Variants in PCDHGA4 observed in about 807,000 individuals in gnomAD.
The protein encoded by PCDHGA4 is protocadherin gamma-A4.
Under a neutral mutation model 54.6 loss-of-function variants are expected in PCDHGA4, and 38 were observed. That is an observed-to-expected ratio of 0.70 (90% CI 0.54 to 0.91). The LOEUF (loss-of-function observed/expected upper bound fraction) is 0.91, where lower values mean the gene tolerates loss of function less well. Among genes scored for constraint, PCDHGA4 ranks in the 40% least tolerant of loss-of-function variants. The pLI is 0.00. For missense variants in PCDHGA4, 1,298 were observed against 1,220.9 expected (o/e 1.06, Z -0.94); for synonymous variants, 511 against 512.9 (o/e 1.00, Z 0.05).
intron 1 of PCDHGA4, among the ~76,000 whole-genome samples, chr5:141,473,858 C>T (rs569473917): frequency 6.6e-6 from 1 of 152,168 alleles, no homozygotes; most frequent in Non-Finnish European, 1.5e-5. Flanking sequence ...ATGAACCTCG[C>T]TATTGTGGAG....
chr5:141,503,372 G>A (rs1275544964), intron 2 of PCDHGA4, among the ~76,000 whole-genome samples: 1 of 151,968 alleles, frequency 6.6e-6, no homozygotes, highest in Non-Finnish European at 1.5e-5. Context: ...GGAGGCAGGT[G>A]GATCATGAGG....
intron 1 of PCDHGA4, among the ~76,000 whole-genome samples, chr5:141,434,245 T>G (rs921135977): frequency 3.3e-5 from 5 of 152,224 alleles, no homozygotes; most frequent in African/African-American, 1.2e-4. Context: ...CTAGATGACT[T>G]GGGCATTGTG....
intron 1 of PCDHGA4, among the ~76,000 whole-genome samples, chr5:141,454,836 C>T (rs1201514890): frequency 1.3e-4 from 11 of 85,100 alleles, no homozygotes; most frequent in African/African-American, 2.1e-4. Context: ...GAGACAGAGT[C>T]GCGCTCTGTC....
intron 1 of PCDHGA4, chr5:141,403,000 A>T: frequency 1.1e-5 from 18 of 1,613,980 alleles, no homozygotes; most frequent in Non-Finnish European, 1.4e-5. Context: ...TAGTCCTGCT[A>T]TGCTCGCTCC....
chr5:141,415,740 G>GTTTTTTTTTTTTTTTTTTTGTTT, intron 1 of PCDHGA4: 1 of 617,992 alleles, frequency 1.6e-6, no homozygotes, highest in Non-Finnish European at 2.1e-6. Flanking sequence ...GTTTATTAAG[G>GTTTTTTTTTTTTTTTTTTTGTTT]TTTTTTTTTT....
chr5:141,419,121 C>T, intron 1 of PCDHGA4: 5 of 1,613,882 alleles, frequency 3.1e-6, no homozygotes, highest in Non-Finnish European at 3.4e-6. Flanking sequence ...TACAACGTCA[C>T]CATCGCAGCC....
intron 1 of PCDHGA4, chr5:141,418,184 G>A: frequency 6.2e-7 from 1 of 1,614,096 alleles, no homozygotes; most frequent in Non-Finnish European, 8.5e-7. Flanking sequence ...ATTGGAAGCT[G>A]TGGTGGAAAA....
chr5:141,371,116 T>C, intron 1 of PCDHGA4: 1 of 1,613,914 alleles, frequency 6.2e-7, no homozygotes, highest in Non-Finnish European at 8.5e-7. Context: ...AACCCCCCAG[T>C]ATTTACTCAG....
chr5:141,395,961 G>C (rs1016569431), intron 1 of PCDHGA4: 1 of 151,956 alleles, frequency 6.6e-6, no homozygotes, highest in Non-Finnish European at 1.5e-5. Flanking sequence ...AAAAACAAAA[G>C]CAAAAACATT....
chr5:141,384,673 G>A (rs1029531424), intron 1 of PCDHGA4: 2 of 1,614,108 alleles, frequency 1.2e-6, no homozygotes, highest in South Asian at 1.1e-5. Context: ...GACCAAGGTG[G>A]TGGCGGTGGA....
chr5:141,355,314 G>A lies in PCDHGA4; in HGVS notation c.207G>A (p.Glu69=). The part of the protein sequence containing the change: ...AEQILYSVFE[E]QEEGSVVGNI... ...AGATTCTCTACTCGGTGTTTGAGGA[G>A]CAGGAAGAAGGCTCAGTGGTGGGCA... The change falls in exon 1 of 4, where the codon GAG becomes GAA. Residue 69 remains glutamate (E), a synonymous_variant. Coordinates refer to ENST00000571252, the MANE Select transcript of PCDHGA4 (RefSeq NM_018917.4). 6.2e-7 allele frequency: 1 copy of A among 1,613,954 alleles called. No homozygotes were observed. Among genetic ancestry groups the A allele is most frequent in the Non-Finnish European group, 8.5e-7 (1 of 1,179,900 alleles).
chr5:141,441,772 TG>T, intron 1 of PCDHGA4: 1 of 388,268 alleles, frequency 2.6e-6, no homozygotes, highest in South Asian at 2.0e-5. Flanking sequence ...CGCGTGTTGG[TG>T]GACGACCTGA....
chr5:141,432,413 G>C lies in PCDHGA4; in HGVS notation c.2515-62394G>C, dbSNP rs369816901. 9 of 1,614,114 alleles carry C rather than the reference G, an allele frequency of 5.6e-6. No homozygotes were observed. The highest frequency in any genetic ancestry group is 1.3e-5 in the African/African-American group (1 of 74,946). ...CAGCAACGTGTCGTTGAGCCTGTTCGTGCTGGACCAGAACGACAATGCGCC... is the reference window on the plus strand; with the variant it reads ...CAGCAACGTGTCGTTGAGCCTGTTCCTGCTGGACCAGAACGACAATGCGCC... On this transcript the variant is annotated intron_variant, in intron 1 of 3. Coordinates refer to ENST00000571252, the MANE Select transcript of PCDHGA4 (RefSeq NM_018917.4). This position sits in a 1 kb window ranked among gnomAD's most constrained non-coding sequence, Gnocchi z 6.0.
Position 141,496,980 on chromosome 5 carries a change from G to A in PCDHGA4, c.2573+2115G>A, listed in dbSNP as rs186715298. On this transcript the variant is annotated intron_variant, in intron 2 of 3. Coordinates refer to ENST00000571252, the MANE Select transcript of PCDHGA4 (RefSeq NM_018917.4). ...GTGGGTAGATCACTTGAGGTCAGGG[G>A]TTTGAGACCAGCCTGGCAGCCAACA... Among the ~76,000 whole-genome samples the A allele has an allele frequency of 1.6e-3, 236 of 152,074 alleles. 2 individuals are homozygous for A. Among genetic ancestry groups the A allele is most frequent in the South Asian group, 7.5e-3 (36 of 4,814 alleles).
chr5:141,357,184 G>A lies in PCDHGA4; in HGVS notation c.2077G>A (p.Val693Met), dbSNP rs766733303. The A allele has an allele frequency of 3.1e-6, 5 of 1,613,780 alleles. No homozygotes were observed. In the South Asian group the frequency reaches 5.5e-5, roughly 18 times the overall value. The part of the protein sequence containing the change: ...PPLSATVTLT[V>M]AVADSIPDVL... ...TCTCTCGGCCACCGTCACACTCACT[G>A]TGGCTGTGGCCGACAGCATCCCAGA... The change falls in exon 1 of 4, where the codon GTG (valine) becomes ATG (methionine). Residue 693 changes from valine (V) to methionine (M), a missense_variant. By Grantham distance (21) the Val-to-Met change is conservative. Coordinates refer to ENST00000571252, the MANE Select transcript of PCDHGA4 (RefSeq NM_018917.4).
chr5:141,370,575 T>C (rs764870172), intron 1 of PCDHGA4: 17 of 1,613,766 alleles, frequency 1.1e-5, no homozygotes, highest in Admixed American at 1.7e-5. Context: ...CGTGGGGGAT[T>C]TACCTACTAG....
chr5:141,431,464 G>A lies in PCDHGA4; in HGVS notation c.2515-63343G>A. The A allele has an allele frequency of 1.9e-6, 3 of 1,613,782 alleles. No individual in the cohort carries two copies. Among genetic ancestry groups the A allele is most frequent in the Non-Finnish European group, 1.7e-6 (2 of 1,179,972 alleles). ...GCATCCGCGTGATGGTTCTGGATGC[G>A]AACGACAACGCACCAGCGTTTGCTC... On this transcript the variant is annotated intron_variant, in intron 1 of 3. Coordinates refer to ENST00000571252, the MANE Select transcript of PCDHGA4 (RefSeq NM_018917.4). This position sits in a 1 kb window ranked among gnomAD's most constrained non-coding sequence, Gnocchi z 4.8.
chr5:141,408,201 C>T (rs1036342508), intron 1 of PCDHGA4: 4 of 1,548,914 alleles, frequency 2.6e-6, no homozygotes, highest in South Asian at 2.4e-5. Flanking sequence ...CCCGAGCGAA[C>T]GATGGGAGGG....
At chr5:141,360,126 G>A in intron 1 of PCDHGA4, 1 of 1,585,250 alleles carries the variant, frequency 6.3e-7, no homozygotes, top group Non-Finnish European at 8.6e-7. Context: ...GGAGCAAAGG[G>A]AGCCAGAAGA....
Sources: allele counts gnomAD v4.1 joint callset (sites outside exome capture counted in the v4.1 genomes callset), GRCh38; gene constraint gnomAD v4.1.1; non-coding constraint Gnocchi (gnomAD v3.1); transcripts MANE v1.5; gene names NCBI Gene and HGNC (gene_info 2026-07-23, HGNC 2026-07-21).